CEP104: variants seen among roughly 807,000 people sequenced by gnomAD.
CEP104 encodes centrosomal protein of 104 kDa.
Under a neutral mutation model 113.3 loss-of-function variants are expected in CEP104, and 84 were observed. The observed-to-expected ratio is 0.74, with a 90% CI of 0.62 to 0.89. The LOEUF (loss-of-function observed/expected upper bound fraction) is 0.89. Ranked by LOEUF, CEP104 falls within the 40% of genes least tolerant of loss-of-function variation. The pLI, the probability that CEP104 is intolerant of heterozygous loss-of-function variation, is 0.00. For missense variants in CEP104, 1,053 were observed against 1,156.6 expected (o/e 0.91, Z 1.30); for synonymous variants, 378 against 421.7 (o/e 0.90, Z 1.27).
intron 4 of CEP104, among the ~76,000 whole-genome samples, 195 bp downstream of exon 4, chr1:3,847,280 T>A (rs571745424): frequency 2.6e-5 from 4 of 152,326 alleles, no homozygotes; most frequent in Non-Finnish European, 5.9e-5. Context: ...CTAGGCCAGT[T>A]CGTGGTGGGC....
At chr1:3,856,484 C>T (rs575792723) in intron 1 of CEP104, among the ~76,000 whole-genome samples, 1 of 152,338 alleles carries the variant, frequency 6.6e-6, no homozygotes, top group African/African-American at 2.4e-5. Flanking sequence ...AAACAAAAAA[C>T]AACCAACCAT....
chr1:3,851,759 C>G (rs1644615178), intron 2 of CEP104, among the ~76,000 whole-genome samples: 1 of 152,248 alleles, frequency 6.6e-6, no homozygotes, highest in Non-Finnish European at 1.5e-5. Context: ...AAGGGATCCT[C>G]CTGTCTCAGC....
At chr1:3,835,159 G>GC in intron 10 of CEP104, 67 bp from the exon 11 acceptor site, 2 of 1,256,016 alleles carry the variant, frequency 1.6e-6, no homozygotes, top group Non-Finnish European at 2.1e-6. Context: ...CAACTTGAAG[G>GC]CTTTGTTTTT....
chr1:3,838,898 G>C, intron 8 of CEP104, 66 bp downstream of exon 8: 2 of 1,555,184 alleles, frequency 1.3e-6, no homozygotes, highest in Non-Finnish European at 1.8e-6. Flanking sequence ...CCACTGTTGT[G>C]AACCACACAG....
rs142368634 is a variant in CEP104, at chr1:3,841,969, C to T, written c.567-2193G>A. On this transcript the variant is annotated intron_variant, in intron 6 of 21. Transcript: ENST00000378230. ...GAGGGAGGTAGCCATCCACTCTCAG[C>T]GCTCCTTCCCCACAGTGCTTCCATC... 6.7e-4 allele frequency among the ~76,000 whole-genome samples: 102 copies of T among 152,340 alleles called. No homozygotes were observed. The East Asian group carries it at 0.016, about 24-fold the overall frequency.
chr1:3,823,439 G>A lies in CEP104; in HGVS notation c.2488C>T (p.His830Tyr). Residue 830 changes from histidine to tyrosine, a missense_variant, in exon 19 of 22, where the codon CAC becomes TAC. Transcript: ENST00000378230. This position sits in a 1 kb window ranked among gnomAD's most constrained non-coding sequence, Gnocchi z 4.1. ...FKEELPRHIKHKDCNPAKPEK... is the reference protein window; with the variant it reads ...FKEELPRHIKYKDCNPAKPEK... The stretch of plus-strand genomic sequence containing the variant: ...GGGCACTCACGGTTGCAATCCTTGT[G>A]TTTTATGTGTCTGGGCAGCTCTTCC... The A allele has an allele frequency of 6.2e-7, 1 of 1,614,240 alleles. No homozygotes were observed. The highest frequency in any genetic ancestry group is 8.5e-7 in the Non-Finnish European group (1 of 1,180,052).
chr1:3,837,937 G>T (rs1423252889), intron 8 of CEP104, among the ~76,000 whole-genome samples: 1 of 152,248 alleles, frequency 6.6e-6, no homozygotes, highest in Non-Finnish European at 1.5e-5. Flanking sequence ...AAGTGATGTT[G>T]TGTCATCCCA....
chr1:3,833,719 C>T (rs557144196), intron 12 of CEP104, 143 bp downstream of exon 12: 31 of 731,038 alleles, frequency 4.2e-5, no homozygotes, highest in African/African-American at 4.2e-4. Flanking sequence ...CCTTTTAGAG[C>T]ATAAGGAAAG....
chr1:3,839,790 A>G lies in CEP104; in HGVS notation c.567-14T>C. ...TAGTCAGATTTCCTAAAGGGAAGAA[A>G]TGCATATTTTAGAGATAATTTCACG... On this transcript the variant is annotated splice_polypyrimidine_tract_variant and intron_variant, in intron 6 of 21. Coordinates refer to ENST00000378230, the MANE Select transcript of CEP104 (RefSeq NM_014704.4). The G allele has an allele frequency of 1.2e-6, 2 of 1,604,328 alleles. No individual in the cohort carries two copies. The highest frequency in any genetic ancestry group is 1.7e-6 in the Non-Finnish European group (2 of 1,176,272).
At position 3,823,472 on chromosome 1, in the gene CEP104, C is replaced by T. The variant is rs1644021062; in HGVS notation, c.2455G>A (p.Val819Ile). Residue 819 changes from valine to isoleucine, a missense_variant, in exon 19 of 22, where the codon GTT (valine) becomes ATT (isoleucine). Coordinates refer to ENST00000378230, the MANE Select transcript of CEP104 (RefSeq NM_014704.4). This position sits in a 1 kb window ranked among gnomAD's most constrained non-coding sequence, Gnocchi z 4.1. ...TGTCTGGGCAGCTCTTCCTTGAAAA[C>T]AGCCTCACTGCAACGGTAACACTTT... ...FGKCYRCSEA[V>I]FKEELPRHIK... The T allele has an allele frequency of 3.1e-6, 5 of 1,614,138 alleles. No homozygotes were observed. Among genetic ancestry groups the T allele is most frequent in the Non-Finnish European group, 4.2e-6 (5 of 1,180,056 alleles).
chr1:3,839,643 T>C lies in CEP104; in HGVS notation c.700A>G (p.Lys234Glu). 2 of 1,613,412 alleles carry C rather than the reference T, an allele frequency of 1.2e-6. No homozygotes were observed. The highest frequency in any genetic ancestry group is 1.7e-6 in the Non-Finnish European group (2 of 1,179,788). ...AVQKERYDYA[K>E]KLKQAIADLQ... ...TCAGCAATGGCTTGTTTTAGTTTCT[T>C]GGCATAATCATAGCGTTCCTTTTGG... is the stretch of plus-strand genomic sequence containing the variant. Residue 234 changes from lysine to glutamate, a missense_variant, in exon 7 of 22, where the codon AAG (lysine) becomes GAG (glutamate). Coordinates refer to ENST00000378230, the MANE Select transcript of CEP104 (RefSeq NM_014704.4).
At chr1:3,830,980 C>A in intron 13 of CEP104, 66 bp downstream of exon 13, 1 of 1,455,632 alleles carries the variant, frequency 6.9e-7, no homozygotes. Context: ...ATGAGACCCT[C>A]GCCACGCTCC....
intron 20 of CEP104, among the ~76,000 whole-genome samples, chr1:3,817,938 G>A (rs968657711): frequency 4.6e-5 from 7 of 152,270 alleles, no homozygotes; most frequent in Admixed American, 4.6e-4. Context: ...AGGTGCCGCA[G>A]CTGCCTCCAA....
intron 6 of CEP104, among the ~76,000 whole-genome samples, chr1:3,841,173 C>A (rs1209573082): frequency 2.6e-5 from 4 of 152,156 alleles, no homozygotes; most frequent in Non-Finnish European, 4.4e-5. Context: ...GAACACCCTT[C>A]GAGACAGGTA....
rs1644278196 is a variant in CEP104, at chr1:3,834,790, G to C, written c.1485+135C>G. 4.1e-6 allele frequency: 3 copies of C among 727,272 alleles called. No homozygotes were observed. The Admixed American group carries it at 9.0e-5, about 22-fold the overall frequency. The allele number at this position is 727,272 out of a possible 1,614,324, so 45.1% of individuals were successfully genotyped here. A position where few individuals can be genotyped will look rare whatever the true frequency, so the allele number is the denominator to read the frequency against. On this transcript the variant is annotated intron_variant, in intron 11 of 21. Coordinates refer to ENST00000378230, the MANE Select transcript of CEP104 (RefSeq NM_014704.4). ...TCTTGCTAGAGAACCTCATTTCTTA[G>C]TGATTCTATTGAGTTACAGTTGGTG...
At position 3,836,492 on chromosome 1, in the gene CEP104, T is replaced by TA. The variant is rs56798767; in HGVS notation, c.1317+2dup. 4 of 1,543,046 alleles carry TA rather than the reference T, an allele frequency of 2.6e-6. No homozygotes were observed. The highest frequency in any genetic ancestry group is 1.4e-5 in the African/African-American group (1 of 70,418). On this transcript the variant is annotated splice_region_variant and intron_variant, in intron 10 of 21. Transcript: ENST00000378230. ...CGTTTTTTTTTTTTTTTTTTTTTTT[T>TA]ACCAAGGTTTCTCCCAACACATCGA...
rs57661870 is a variant in CEP104, at chr1:3,849,833, T to TAAA, written c.114-1055_114-1053dup. 6.0e-3 allele frequency among the ~76,000 whole-genome samples: 886 copies of TAAA among 146,582 alleles called. 10 individuals are homozygous for TAAA. Among genetic ancestry groups the TAAA allele is most frequent in the African/African-American group, 0.021 (825 of 40,158 alleles). On this transcript the variant is annotated intron_variant, in intron 2 of 21. Transcript: ENST00000378230. ...TAATCCATTAGTTAAAAATCTTTATTAAAAAAAAAAAACTCCAAAACTGTT... is the reference window on the plus strand; with the variant it reads ...TAATCCATTAGTTAAAAATCTTTATTAAAAAAAAAAAAAAACTCCAAAACTGTT...
chr1:3,836,482 T>TTTG lies in CEP104; in HGVS notation c.1317+12_1317+13insCAA. The TTTG allele has an allele frequency of 6.7e-7, 1 of 1,486,422 alleles. No homozygotes were observed. The highest frequency in any genetic ancestry group is 8.9e-7 in the Non-Finnish European group (1 of 1,126,870). 92.1% of individuals were successfully genotyped at this position (1,486,422 alleles called of 1,614,324 possible). On this transcript the variant is annotated intron_variant, in intron 10 of 21. Coordinates refer to ENST00000378230, the MANE Select transcript of CEP104 (RefSeq NM_014704.4). ...TCTGCCACCCCGTTTTTTTTTTTTT[T>TTTG]TTTTTTTTTTACCAAGGTTTCTCCC...
At chr1:3,842,964 T>C (rs1644439339) in intron 6 of CEP104, 1 of 347,072 alleles carries the variant, frequency 2.9e-6, no homozygotes, top group African/African-American at 2.2e-5. Flanking sequence ...ATTTTTGTGT[T>C]TTTATTAGAG....
Sources: gnomAD v4.1 joint callset for allele counts (sites outside exome capture counted in the v4.1 genomes callset) on GRCh38, gnomAD v4.1.1 for gene constraint, Gnocchi (gnomAD v3.1) non-coding constraint, MANE v1.5 for transcripts, NCBI Gene and HGNC (gene_info 2026-07-23, HGNC 2026-07-21) for gene names.